The following PRLR variants were observed in gnomAD, a reference collection of about 807,000 sequenced individuals.
PRLR encodes the protein hPRL receptor.
PRLR carries 13 observed loss-of-function variants against 40.2 expected under a neutral mutation model. That is an observed-to-expected ratio of 0.32 (90% CI 0.21 to 0.51). The LOEUF is 0.51. Among genes scored for constraint, PRLR ranks in the 20% least tolerant of loss-of-function variants. The probability of loss-of-function intolerance (pLI) is 0.97; values close to 1 mark genes in which losing one functional copy is unlikely to be tolerated. For synonymous variants in PRLR, 269 were observed against 278.7 expected (o/e 0.97, Z 0.35); for missense variants, 656 against 747.3 (o/e 0.88, Z 1.42).
In PRLR at chr5:35,160,202, T is replaced by C. The variant is rs577950700; in HGVS notation, c.-105-42080A>G. ...TAGTTGAAAACAATTAAAAATGAAA[T>C]ATTCTGTGACATGTCACAATTGTAT... On this transcript the variant is annotated intron_variant, in intron 1 of 9. Transcript: ENST00000618457. 8.5e-5 allele frequency among the ~76,000 whole-genome samples: 13 copies of C among 152,336 alleles called. No homozygotes were observed. The East Asian group carries it at 1.5e-3, about 18-fold the overall frequency.
intron 1 of PRLR, among the ~76,000 whole-genome samples, chr5:35,208,922 T>C (rs1168745410): frequency 2.0e-5 from 3 of 152,104 alleles, no homozygotes; most frequent in Non-Finnish European, 4.4e-5. Flanking sequence ...ATGAATATTA[T>C]TTTAAACTTA....
At chr5:35,116,658 A>C (rs755330729) in intron 2 of PRLR, among the ~76,000 whole-genome samples, 22 of 152,140 alleles carry the variant, frequency 1.4e-4, no homozygotes, top group Non-Finnish European at 2.6e-4. Flanking sequence ...GAAGGGGTAG[A>C]AGCCAAGACG....
chr5:35,144,315 A>AGT (rs1774112783), intron 1 of PRLR, among the ~76,000 whole-genome samples: 2 of 152,228 alleles, frequency 1.3e-5, no homozygotes, highest in South Asian at 4.1e-4. Flanking sequence ...TAGTAACAGA[A>AGT]CAAGTGAAAG....
At chr5:35,203,337 G>C (rs1201466344) in intron 1 of PRLR, among the ~76,000 whole-genome samples, 1 of 152,192 alleles carries the variant, frequency 6.6e-6, no homozygotes, top group Non-Finnish European at 1.5e-5. Flanking sequence ...TGCCAAGGGT[G>C]ATAGTGGCTA....
At chr5:35,082,774 T>C (rs1021787714) in intron 5 of PRLR, among the ~76,000 whole-genome samples, 2 of 152,134 alleles carry the variant, frequency 1.3e-5, no homozygotes, top group Non-Finnish European at 2.9e-5. Context: ...TAAAATGAAC[T>C]TCCGTGGCCT....
intron 2 of PRLR, among the ~76,000 whole-genome samples, chr5:35,111,734 C>T (rs765215233): frequency 6.6e-6 from 1 of 151,886 alleles, no homozygotes; most frequent in South Asian, 2.1e-4. Context: ...GATATAGAAA[C>T]ATGGAAAAAG....
At chr5:35,099,399 TCTA>T (rs1771722225) in intron 2 of PRLR, among the ~76,000 whole-genome samples, 1 of 152,234 alleles carries the variant, frequency 6.6e-6, no homozygotes, top group Admixed American at 6.5e-5. Flanking sequence ...TGTAAACAAA[TCTA>T]CTGCACTGCT....
chr5:35,114,087 C>A (rs758791440), intron 2 of PRLR, among the ~76,000 whole-genome samples: 1 of 152,122 alleles, frequency 6.6e-6, no homozygotes. Context: ...TTCAAGGGCT[C>A]GGTTGTCAGC....
chr5:35,225,310 T>C (rs1162247993), intron 1 of PRLR, among the ~76,000 whole-genome samples: 1 of 152,196 alleles, frequency 6.6e-6, no homozygotes, highest in African/African-American at 2.4e-5. Flanking sequence ...TATAGTGGAC[T>C]TCAAATGATC....
At chr5:35,227,227 T>C (rs779929882) in intron 1 of PRLR, among the ~76,000 whole-genome samples, 14 of 152,212 alleles carry the variant, frequency 9.2e-5, no homozygotes, top group Non-Finnish European at 1.6e-4. Flanking sequence ...AAGCACCCAC[T>C]AGATTTGGCT....
intron 5 of PRLR, among the ~76,000 whole-genome samples, chr5:35,080,328 T>TAC (rs1770422033): frequency 2.0e-5 from 3 of 152,084 alleles, no homozygotes; most frequent in Non-Finnish European, 4.4e-5. Flanking sequence ...ACAAAGAACT[T>TAC]AAACACGTTT....
At chr5:35,133,026 G>A (rs2111784270) in intron 1 of PRLR, among the ~76,000 whole-genome samples, 1 of 152,198 alleles carries the variant, frequency 6.6e-6, no homozygotes, top group South Asian at 2.1e-4. Context: ...ACATGGAAGG[G>A]GTGAAAATTT....
chr5:35,057,969 A>G lies in PRLR; in HGVS notation c.*7120T>C, dbSNP rs1411127000. 6.6e-6 allele frequency: 1 copy of G among 152,024 alleles called. No homozygotes were observed. The highest frequency in any genetic ancestry group is 1.5e-5 in the Non-Finnish European group (1 of 67,878). The allele number at this position is 152,024 out of a possible 1,614,324, so 9.4% of individuals were successfully genotyped here. On this transcript the variant is annotated 3_prime_UTR_variant, in exon 10 of 10. Transcript: ENST00000618457. Reference sequence around the variant, plus strand: ...TTTGGACAACTATGAGGTGACTTATAGTTAGGAAAAAATCTGCACTCTATG... The same window carrying G: ...TTTGGACAACTATGAGGTGACTTATGGTTAGGAAAAAATCTGCACTCTATG...
chr5:35,115,867 A>G (rs527878193), intron 2 of PRLR, among the ~76,000 whole-genome samples: 1 of 152,246 alleles, frequency 6.6e-6, no homozygotes, highest in African/African-American at 2.4e-5. Flanking sequence ...CTTTGGGTCA[A>G]GTCTTGGACA....
intron 1 of PRLR, among the ~76,000 whole-genome samples, chr5:35,190,614 GGA>G (rs1775574648): frequency 1.1e-5 from 1 of 89,240 alleles, no homozygotes; most frequent in Admixed American, 1.1e-4. Flanking sequence ...CTTTGCCTCA[GGA>G]AAAAAAAAAA....
At chr5:35,174,533 C>G (rs1775092240) in intron 1 of PRLR, among the ~76,000 whole-genome samples, 1 of 152,220 alleles carries the variant, frequency 6.6e-6, no homozygotes. Flanking sequence ...CTTTCTCTTT[C>G]AAACAACACT....
intron 6 of PRLR, among the ~76,000 whole-genome samples, chr5:35,071,590 A>T (rs973554186): frequency 3.3e-5 from 5 of 152,010 alleles, no homozygotes; most frequent in African/African-American, 1.2e-4. Context: ...ATTTTATTTT[A>T]TTTTTATTTT....
At chr5:35,105,085 T>C (rs1206606728) in intron 2 of PRLR, among the ~76,000 whole-genome samples, 1 of 152,226 alleles carries the variant, frequency 6.6e-6, no homozygotes, top group African/African-American at 2.4e-5. Flanking sequence ...CTGCAGCCTC[T>C]GCTGGTGATA....
intron 5 of PRLR, among the ~76,000 whole-genome samples, chr5:35,075,073 G>C (rs1383084232): frequency 2.0e-5 from 3 of 152,184 alleles, no homozygotes; most frequent in Admixed American, 6.5e-5. Flanking sequence ...CCGTGGTCTG[G>C]TTCCAAGATG....
Sources: gnomAD v4.1 joint callset for allele counts (sites outside exome capture counted in the v4.1 genomes callset) on GRCh38, gnomAD v4.1.1 for gene constraint, MANE v1.5 for transcripts, NCBI Gene and HGNC (gene_info 2026-07-23, HGNC 2026-07-21) for gene names.